The following HPSE2 variants were observed in gnomAD, a reference collection of about 807,000 sequenced individuals.
HPSE2 encodes the protein heparanase 2 (inactive).
A neutral mutation model predicts 60.5 loss-of-function variants in HPSE2; 38 were observed. The observed-to-expected ratio is 0.63, with a 90% confidence interval of 0.48 to 0.82. The LOEUF (loss-of-function observed/expected upper bound fraction) is 0.82, where lower values mean the gene tolerates loss of function less well. Ranked by LOEUF, HPSE2 falls within the 40% of genes least tolerant of loss-of-function variation. The pLI, the probability that HPSE2 is intolerant of heterozygous loss-of-function variation, is 0.00. For synonymous variants in HPSE2, 295 were observed against 293.2 expected, an observed-to-expected ratio of 1.01 and a Z score of -0.06; for missense variants, 713 against 740.4, an observed-to-expected ratio of 0.96 and a Z score of 0.43.
chr10:98,993,551 C>T (rs186182040), intron 3 of HPSE2, among the ~76,000 whole-genome samples: 17 of 152,284 alleles, frequency 1.1e-4, no homozygotes, highest in African/African-American at 2.6e-4. Flanking sequence ...TCTTCACTAC[C>T]TCTTCAGTTA....
At chr10:99,233,123 C>G (rs192011634) in intron 1 of HPSE2, among the ~76,000 whole-genome samples, 1 of 152,206 alleles carries the variant, frequency 6.6e-6, no homozygotes, top group East Asian at 1.9e-4. Flanking sequence ...GTAAAAACTG[C>G]ATTGTTTCCC....
At chr10:98,543,688 G>C (rs572511463) in intron 9 of HPSE2, among the ~76,000 whole-genome samples, 132 of 152,136 alleles carry the variant, frequency 8.7e-4, no homozygotes, top group African/African-American at 2.6e-3. Flanking sequence ...CCTAGTCTCT[G>C]ATAAAACAGA....
At chr10:99,094,713 C>T (rs1355772389) in intron 3 of HPSE2, among the ~76,000 whole-genome samples, 4 of 150,576 alleles carry the variant, frequency 2.7e-5, no homozygotes, top group Non-Finnish European at 4.4e-5. Flanking sequence ...CATGTCACCA[C>T]ACCTGGCTAA....
At chr10:99,165,251 G>C (rs946663999) in intron 2 of HPSE2, among the ~76,000 whole-genome samples, 1 of 151,906 alleles carries the variant, frequency 6.6e-6, no homozygotes, top group Non-Finnish European at 1.5e-5. Context: ...ACTCCTTTAA[G>C]AAACATATTT....
At chr10:98,466,959 T>C (rs1940561406) in intron 11 of HPSE2, among the ~76,000 whole-genome samples, 1 of 152,228 alleles carries the variant, frequency 6.6e-6, no homozygotes, top group African/African-American at 2.4e-5. Flanking sequence ...AGGCTCACTC[T>C]AGCTCCCGCC....
upstream of HPSE2, among the ~76,000 whole-genome samples, chr10:99,237,068 C>G (rs1849875926): frequency 6.6e-6 from 1 of 152,110 alleles, no homozygotes; most frequent in Non-Finnish European, 1.5e-5. Context: ...CACGACCCGC[C>G]GCTGCTCATT....
chr10:98,800,889 C>A (rs887060818), intron 3 of HPSE2, among the ~76,000 whole-genome samples: 3 of 152,082 alleles, frequency 2.0e-5, no homozygotes, highest in African/African-American at 4.8e-5. Flanking sequence ...GCTAGTGATA[C>A]CCTGATAGCT....
At chr10:98,686,998 G>A (rs1203775917) in intron 6 of HPSE2, among the ~76,000 whole-genome samples, 2 of 152,110 alleles carry the variant, frequency 1.3e-5, no homozygotes, top group Non-Finnish European at 2.9e-5. Flanking sequence ...GTTAATTACT[G>A]AAAGAAGTGT....
rs58521993 is a variant in HPSE2 at position 99,132,241 on chromosome 10, G to GAAAGAA, written c.610+11996_610+11997insTTCTTT. Among the ~76,000 whole-genome samples the GAAAGAA allele has an allele frequency of 2.6e-3, 74 of 28,904 alleles. 1 individual carries two copies. The highest frequency in any genetic ancestry group is 6.9e-3 in the African/African-American group (64 of 9,306). The allele number at this position is 28,904 out of a possible 152,430, so 19.0% of individuals were successfully genotyped here. ...AGAGAGAGAGAGAGAGAGAGAGAGA[G>GAAAGAA]AGAAAGAAAGAAAGAAAGAAAGAAA... On this transcript the variant is annotated intron_variant, in intron 3 of 11. Transcript: ENST00000370552.
chr10:98,889,673 C>T (rs1224360741), intron 3 of HPSE2, among the ~76,000 whole-genome samples: 1 of 151,902 alleles, frequency 6.6e-6, no homozygotes, highest in Non-Finnish European at 1.5e-5. Context: ...TCAAGTGGGC[C>T]CTGGGTTGAT....
At chr10:98,544,843 C>CA (rs1267483595) in intron 9 of HPSE2, among the ~76,000 whole-genome samples, 4 of 151,136 alleles carry the variant, frequency 2.6e-5, no homozygotes, top group Non-Finnish European at 4.4e-5. Context: ...AAAAAACCCT[C>CA]AAAAAATCAA....
intron 3 of HPSE2, among the ~76,000 whole-genome samples, chr10:98,963,752 C>T (rs913204510): frequency 1.3e-5 from 2 of 152,194 alleles, no homozygotes; most frequent in African/African-American, 4.8e-5. Context: ...GAATGTTTCT[C>T]TAAGTGAAGA....
At chr10:98,757,810 T>A (rs1949911994) in intron 3 of HPSE2, among the ~76,000 whole-genome samples, 1 of 152,084 alleles carries the variant, frequency 6.6e-6, no homozygotes, top group Non-Finnish European at 1.5e-5. Flanking sequence ...AAACTACCAA[T>A]GACATTTTCC....
intron 3 of HPSE2, among the ~76,000 whole-genome samples, chr10:98,907,521 A>T (rs554234268): frequency 2.0e-5 from 3 of 152,324 alleles, no homozygotes; most frequent in African/African-American, 7.2e-5. Context: ...TCTTCAGCTT[A>T]ACAATAGTCA....
chr10:98,778,655 TG>T (rs1303636399), intron 3 of HPSE2, among the ~76,000 whole-genome samples: 1 of 152,162 alleles, frequency 6.6e-6, no homozygotes, highest in Non-Finnish European at 1.5e-5. Flanking sequence ...TCAAAATGGA[TG>T]CCGAGGCAAT....
chr10:98,977,978 T>C (rs1956123801), intron 3 of HPSE2, among the ~76,000 whole-genome samples: 1 of 151,866 alleles, frequency 6.6e-6, no homozygotes, highest in Admixed American at 6.6e-5. Flanking sequence ...ATTTACAGTA[T>C]GTATGAAATA....
At chr10:98,940,543 A>G (rs1448391764) in intron 3 of HPSE2, among the ~76,000 whole-genome samples, 34 of 143,092 alleles carry the variant, frequency 2.4e-4, no homozygotes, top group African/African-American at 9.8e-4. Context: ...GAAGAAGTTG[A>G]ATCTCTGAAT....
At chr10:99,191,170 AC>A (rs1454720956) in intron 2 of HPSE2, among the ~76,000 whole-genome samples, 1 of 151,936 alleles carries the variant, frequency 6.6e-6, no homozygotes, top group East Asian at 1.9e-4. Flanking sequence ...CCCAGACAAC[AC>A]CTCTGGACCT....
intron 3 of HPSE2, among the ~76,000 whole-genome samples, chr10:99,108,557 G>A (rs1844336746): frequency 6.6e-6 from 1 of 152,064 alleles, no homozygotes; most frequent in African/African-American, 2.4e-5. Context: ...GTGATAGAGG[G>A]ATATTGTTTT....
Sources: allele counts gnomAD v4.1 joint callset (sites outside exome capture counted in the v4.1 genomes callset), GRCh38; gene constraint gnomAD v4.1.1; transcripts MANE v1.5; gene names NCBI Gene and HGNC (gene_info 2026-07-23, HGNC 2026-07-21).